The following SYK variants were observed in gnomAD, a reference collection of about 807,000 sequenced individuals.
The protein encoded by SYK is tyrosine-protein kinase SYK.
Under a neutral mutation model 77.8 loss-of-function variants are expected in SYK, and 16 were observed. That is an observed-to-expected ratio of 0.21 (90% confidence interval 0.14 to 0.31). The LOEUF (loss-of-function observed/expected upper bound fraction) is 0.31, where lower values mean the gene tolerates loss of function less well. Among genes scored for constraint, SYK ranks in the 10% least tolerant of loss-of-function variants. The probability of loss-of-function intolerance (pLI) is 1.00; values close to 1 mark genes in which losing one functional copy is unlikely to be tolerated. For missense variants in SYK, 529 were observed against 814.4 expected (o/e 0.65, Z 4.26); for synonymous variants, 312 against 308.7 (o/e 1.01, Z -0.11).
intron 3 of SYK, among the ~76,000 whole-genome samples, chr9:90,851,884 G>A (rs1826837478): frequency 6.6e-6 from 1 of 151,930 alleles, no homozygotes; most frequent in African/African-American, 2.4e-5. Context: ...ATAAAATTAG[G>A]CATACAATAG....
chr9:90,811,951 A>C (rs1825094855), intron 1 of SYK, among the ~76,000 whole-genome samples: 1 of 151,744 alleles, frequency 6.6e-6, no homozygotes, highest in Non-Finnish European at 1.5e-5. Flanking sequence ...AAAAAAAAAA[A>C]AAAACCTAAA....
intron 1 of SYK, among the ~76,000 whole-genome samples, chr9:90,805,398 G>A (rs1044823899): frequency 6.6e-6 from 1 of 152,212 alleles, no homozygotes; most frequent in Admixed American, 6.5e-5. Flanking sequence ...GGATGCAGAT[G>A]AGAGATGTCT....
intron 1 of SYK, among the ~76,000 whole-genome samples, chr9:90,807,778 C>G (rs1460834): frequency 0.23 from 35,579 of 152,128 alleles, 4,230 homozygotes; most frequent in Middle Eastern, 0.35. Flanking sequence ...TCAGATACAG[C>G]GAGCAACAGA....
intron 1 of SYK, among the ~76,000 whole-genome samples, chr9:90,809,123 C>G (rs542168275): frequency 6.6e-6 from 1 of 152,292 alleles, no homozygotes; most frequent in African/African-American, 2.4e-5. Context: ...TCAGGAAGAG[C>G]CTGGCTAGAG....
At chr9:90,816,155 T>C (rs1825285604) in intron 1 of SYK, among the ~76,000 whole-genome samples, 1 of 152,254 alleles carries the variant, frequency 6.6e-6, no homozygotes, top group African/African-American at 2.4e-5. Flanking sequence ...GAGAACCACC[T>C]AGGCAGCGGA....
At chr9:90,867,648 G>A (rs1484596594) in intron 7 of SYK, among the ~76,000 whole-genome samples, 1 of 152,122 alleles carries the variant, frequency 6.6e-6, no homozygotes, top group Admixed American at 6.5e-5. Context: ...AGTGAGGTCA[G>A]GCAGTGCATG....
In SYK at chr9:90,855,007, T is replaced by TACACACAC. The variant is rs769425530; in HGVS notation, c.579-7196_579-7195insCACACACA. On this transcript the variant is annotated intron_variant, in intron 3 of 13. Transcript: ENST00000375754. ...CCTCTCTCTCTCTCACACACACACA[T>TACACACAC]ACATACACACACACACACACACACA... 5.0e-4 allele frequency among the ~76,000 whole-genome samples: 21 copies of TACACACAC among 42,120 alleles called. No homozygotes were observed. The South Asian group carries it at 8.4e-3, about 17-fold the overall frequency. 27.6% of individuals were successfully genotyped at this position (42,120 alleles called of 152,430 possible).
intron 1 of SYK, among the ~76,000 whole-genome samples, chr9:90,811,832 G>T (rs967686986): frequency 5.9e-5 from 9 of 151,702 alleles, no homozygotes; most frequent in African/African-American, 1.2e-4. Context: ...GCGCTGAGGT[G>T]GGGGGATCAC....
intron 13 of SYK, among the ~76,000 whole-genome samples, chr9:90,888,884 G>A (rs1828682497): frequency 6.6e-6 from 1 of 152,188 alleles, no homozygotes; most frequent in East Asian, 1.9e-4. Context: ...GTCGATAATG[G>A]TGGAGAGATG....
chr9:90,892,986 G>C (rs932999792), intron 13 of SYK, among the ~76,000 whole-genome samples: 2 of 152,216 alleles, frequency 1.3e-5, no homozygotes, highest in Non-Finnish European at 2.9e-5. Context: ...TCCTCTGAGC[G>C]GCACATCCTC....
At chr9:90,879,029 A>G (rs556045428) in intron 11 of SYK, 76 bp downstream of exon 11, 284 of 1,154,048 alleles carry the variant, frequency 2.5e-4, no homozygotes, top group Non-Finnish European at 3.4e-4. Context: ...TCTTTATTTT[A>G]TTATTGGTAT....
At chr9:90,825,038 C>T (rs951038186) in intron 1 of SYK, among the ~76,000 whole-genome samples, 8 of 151,150 alleles carry the variant, frequency 5.3e-5, no homozygotes, top group Admixed American at 1.3e-4. Context: ...ATACAAAAGT[C>T]GGTTGCTTTC....
In SYK at chr9:90,861,683, C is replaced by T. The variant is rs1827272522; in HGVS notation, c.579-523C>T. Reference sequence around the variant, plus strand: ...CCGGGGGATGGAGGCTTCCATAACCCTCCATCTCTGGTCCAGAAGATGGCT... The same window carrying T: ...CCGGGGGATGGAGGCTTCCATAACCTTCCATCTCTGGTCCAGAAGATGGCT... On this transcript the variant is annotated intron_variant, in intron 3 of 13. Coordinates refer to ENST00000375754, the MANE Select transcript of SYK (RefSeq NM_003177.7). Among the ~76,000 whole-genome samples the T allele has an allele frequency of 2.6e-5, 4 of 152,254 alleles. No individual in the cohort carries two copies. The South Asian group carries it at 6.2e-4, about 24-fold the overall frequency.
At chr9:90,806,257 C>T (rs191313392) in intron 1 of SYK, among the ~76,000 whole-genome samples, 62 of 152,254 alleles carry the variant, frequency 4.1e-4, no homozygotes, top group African/African-American at 1.3e-3. Flanking sequence ...ACCAAGTAAT[C>T]TCACGGTTCC....
intron 1 of SYK, among the ~76,000 whole-genome samples, chr9:90,825,013 G>A (rs1036347502): frequency 6.6e-6 from 1 of 151,898 alleles, no homozygotes; most frequent in Admixed American, 6.6e-5. Flanking sequence ...TGAGTCTACA[G>A]GATGCTAGAT....
Position 90,895,559 on chromosome 9 carries a change from G to T in SYK, c.1867G>T (p.Glu623Ter), listed in dbSNP as rs762320199. The T allele has an allele frequency of 1.2e-6, 2 of 1,613,994 alleles. No individual in the cohort carries two copies. Among genetic ancestry groups the T allele is most frequent in the Admixed American group, 1.7e-5 (1 of 60,004 alleles). Residue 623 changes from glutamate (E) to a stop codon, truncating the protein, a stop_gained, in exon 14 of 14, where the codon GAA becomes TAA. Transcript: ENST00000375754. LOFTEE classifies it high-confidence loss of function. This position sits in a 1 kb window ranked among gnomAD's most constrained non-coding sequence, Gnocchi z 4.4. ...VENRPGFAAV[E>*]LRLRNYYYDV... ...AAACAGGCCCGGATTCGCAGCAGTG[G>T]AACTGCGGCTGCGCAATTACTACTA...
chr9:90,861,874 C>A (rs557686202), intron 3 of SYK, among the ~76,000 whole-genome samples: 1 of 152,202 alleles, frequency 6.6e-6, no homozygotes, highest in Non-Finnish European at 1.5e-5. Context: ...CCCTGAGAAG[C>A]GTCACTGCTA....
intron 3 of SYK, among the ~76,000 whole-genome samples, chr9:90,861,985 C>G (rs1356718006): frequency 6.6e-6 from 1 of 152,222 alleles, no homozygotes; most frequent in African/African-American, 2.4e-5. Context: ...TTCCTTGTTG[C>G]AAGCTTGCCC....
At chr9:90,804,956 T>G (rs1564063441) in intron 1 of SYK, among the ~76,000 whole-genome samples, 3 of 12,806 alleles carry the variant, frequency 2.3e-4, no homozygotes, top group Non-Finnish European at 5.3e-4. Flanking sequence ...CAATTTGAGG[T>G]TTTTTTTTCC....
Sources: allele counts gnomAD v4.1 joint callset (sites outside exome capture counted in the v4.1 genomes callset), GRCh38; gene constraint gnomAD v4.1.1; non-coding constraint Gnocchi (gnomAD v3.1); transcripts MANE v1.5; gene names NCBI Gene and HGNC (gene_info 2026-07-23, HGNC 2026-07-21).